IGF2BP2: variants seen among roughly 807,000 people sequenced by gnomAD.
IGF2BP2 encodes the protein insulin-like growth factor 2 mRNA-binding protein 2.
IGF2BP2 carries 17 observed loss-of-function variants against 75.8 expected under a neutral mutation model. The observed-to-expected ratio is 0.22, with a 90% confidence interval of 0.15 to 0.34. IGF2BP2 has a LOEUF of 0.34. Ranked by LOEUF, IGF2BP2 falls within the 10% of genes least tolerant of loss-of-function variation. The pLI is 1.00. For missense variants in IGF2BP2, 516 were observed against 772.4 expected (o/e 0.67, Z 3.93); for synonymous variants, 288 against 295.6 (o/e 0.97, Z 0.26).
At chr3:185,734,979 A>G (rs181468434) in intron 2 of IGF2BP2, among the ~76,000 whole-genome samples, 94 of 152,314 alleles carry the variant, frequency 6.2e-4, no homozygotes, top group African/African-American at 2.2e-3. Flanking sequence ...ACAGCGTTGT[A>G]ACATGAAAGC....
chr3:185,706,231 A>C (rs1723997887), intron 2 of IGF2BP2, among the ~76,000 whole-genome samples: 1 of 152,156 alleles, frequency 6.6e-6, no homozygotes, highest in African/African-American at 2.4e-5. Context: ...ATAATTCCAT[A>C]ATACTATTCA....
chr3:185,689,575 A>C lies in IGF2BP2; in HGVS notation c.457T>G (p.Ser153Ala), dbSNP rs1412012667. ...CTCACCTCTTCATCCGGGATGTAGGAAATCTTGAAGGAGTAGTTCTCAAAC... is the reference window on the plus strand; with the variant it reads ...CTCACCTCTTCATCCGGGATGTAGGCAATCTTGAAGGAGTAGTTCTCAAAC... ...HQFENYSFKI[S>A]YIPDEEVSSP... Residue 153 changes from serine to alanine, a missense_variant, in exon 6 of 16, where the codon TCC becomes GCC. Coordinates refer to ENST00000382199, the MANE Select transcript of IGF2BP2 (RefSeq NM_006548.6). 1.2e-6 allele frequency: 2 copies of C among 1,614,222 alleles called. No homozygotes were observed. Among genetic ancestry groups the C allele is most frequent in the Non-Finnish European group, 1.7e-6 (2 of 1,180,026 alleles).
At chr3:185,691,320 T>C (rs1180450084) in intron 5 of IGF2BP2, among the ~76,000 whole-genome samples, 1 of 150,860 alleles carries the variant, frequency 6.6e-6, no homozygotes. Context: ...CTGGTCTCGA[T>C]CTCCCAGCCT....
intron 5 of IGF2BP2, among the ~76,000 whole-genome samples, chr3:185,690,973 TATC>T (rs1450755502): frequency 2.6e-5 from 4 of 152,192 alleles, no homozygotes; most frequent in Non-Finnish European, 4.4e-5. Flanking sequence ...AATAGAGTAA[TATC>T]ATGTAGAGAG....
intron 10 of IGF2BP2, among the ~76,000 whole-genome samples, chr3:185,669,342 A>G (rs898972657): frequency 1.3e-5 from 2 of 152,088 alleles, no homozygotes; most frequent in African/African-American, 4.8e-5. Flanking sequence ...GGAAAAATAT[A>G]AATCATATAT....
At chr3:185,801,397 G>A (rs889962601) in intron 2 of IGF2BP2, among the ~76,000 whole-genome samples, 10 of 150,730 alleles carry the variant, frequency 6.6e-5, no homozygotes, top group Middle Eastern at 3.4e-3. Flanking sequence ...GCTGAGGCAG[G>A]AGAATTGCTT....
chr3:185,779,537 C>G (rs10937229), intron 2 of IGF2BP2, among the ~76,000 whole-genome samples: 151,853 of 152,338 alleles, frequency 1, 75,686 homozygotes, highest in East Asian at 1. Context: ...ATAACTTCCA[C>G]ACAATGCTAA....
chr3:185,669,208 T>A (rs1718136510), intron 10 of IGF2BP2, among the ~76,000 whole-genome samples: 3 of 152,136 alleles, frequency 2.0e-5, no homozygotes, highest in Admixed American at 2.0e-4. Flanking sequence ...ATACTATGTA[T>A]CAGCATAGAA....
chr3:185,720,327 T>C (rs1726327342), intron 2 of IGF2BP2, among the ~76,000 whole-genome samples: 1 of 152,142 alleles, frequency 6.6e-6, no homozygotes, highest in African/African-American at 2.4e-5. Context: ...CCAAAGCCTA[T>C]TTATTTTATT....
intron 2 of IGF2BP2, among the ~76,000 whole-genome samples, chr3:185,798,791 T>TC (rs1560487638): frequency 7.8e-6 from 1 of 127,738 alleles, no homozygotes; most frequent in African/African-American, 3.4e-5. Context: ...TTTTTTCTTT[T>TC]TTTCTTTTTT....
At chr3:185,749,462 T>C (rs898161760) in intron 2 of IGF2BP2, among the ~76,000 whole-genome samples, 14 of 152,180 alleles carry the variant, frequency 9.2e-5, no homozygotes, top group African/African-American at 2.9e-4. Context: ...AAACAAGCAA[T>C]TAAAGTTGAT....
In IGF2BP2 at chr3:185,825,012, C is replaced by G; in HGVS notation, c.-52G>C. On this transcript the variant is annotated 5_prime_UTR_variant, in exon 1 of 16. Transcript: ENST00000382199. ...TCCCCCGGCCCGGTACCCGGCGCTCCTCGCCTCCTCCGCTGCCCTCGTCTC... is the reference window on the plus strand; with the variant it reads ...TCCCCCGGCCCGGTACCCGGCGCTCGTCGCCTCCTCCGCTGCCCTCGTCTC... The G allele has an allele frequency of 7.2e-7, 1 of 1,388,058 alleles. No individual in the cohort carries two copies. The highest frequency in any genetic ancestry group is 9.6e-7 in the Non-Finnish European group (1 of 1,043,878). The allele number at this position is 1,388,058 out of a possible 1,614,324, so 86.0% of individuals were successfully genotyped here.
intron 2 of IGF2BP2, among the ~76,000 whole-genome samples, chr3:185,775,456 C>T (rs1734425540): frequency 6.6e-6 from 1 of 152,178 alleles, no homozygotes; most frequent in African/African-American, 2.4e-5. Flanking sequence ...ATTTAAACAA[C>T]ACATCACACA....
intron 1 of IGF2BP2, among the ~76,000 whole-genome samples, chr3:185,823,788 G>A (rs1741668207): frequency 1.3e-5 from 2 of 151,808 alleles, no homozygotes; most frequent in Admixed American, 1.3e-4. Context: ...GGTTCGGGGG[G>A]CGCCGGCCGG....
chr3:185,698,953 T>C (rs1453864912), intron 2 of IGF2BP2, among the ~76,000 whole-genome samples: 1 of 152,198 alleles, frequency 6.6e-6, no homozygotes, highest in African/African-American at 2.4e-5. Context: ...TAGCTGGGAT[T>C]ACAGGCATGT....
rs1045562648 is a variant in IGF2BP2 at position 185,675,113 on chromosome 3, C to T, written c.1071+183G>A. 6 of 438,412 alleles carry T rather than the reference C, an allele frequency of 1.4e-5. No homozygotes were observed. The East Asian group carries it at 2.6e-4, about 19-fold the overall frequency. The allele number at this position is 438,412 out of a possible 1,614,324, so 27.2% of individuals were successfully genotyped here. A position where few individuals can be genotyped will look rare whatever the true frequency, so the allele number is the denominator to read the frequency against. On this transcript the variant is annotated intron_variant, in intron 9 of 15. Coordinates refer to ENST00000382199, the MANE Select transcript of IGF2BP2 (RefSeq NM_006548.6). ...CAAAGTTATAATTTTAATGTCTTCA[C>T]GTGATGTTGTCCAGCGCACTTATCA...
chr3:185,766,215 T>C (rs951397510), intron 2 of IGF2BP2, among the ~76,000 whole-genome samples: 1 of 152,180 alleles, frequency 6.6e-6, no homozygotes, highest in African/African-American at 2.4e-5. Context: ...TGAATAGCAA[T>C]AAAACTATTT....
At chr3:185,804,573 T>A (rs1433020501) in intron 2 of IGF2BP2, among the ~76,000 whole-genome samples, 1 of 152,232 alleles carries the variant, frequency 6.6e-6, no homozygotes, top group African/African-American at 2.4e-5. Flanking sequence ...TTCCTCAGGT[T>A]ACAATATTTA....
At chr3:185,729,029 G>A (rs1185522800) in intron 2 of IGF2BP2, among the ~76,000 whole-genome samples, 1 of 152,158 alleles carries the variant, frequency 6.6e-6, no homozygotes, top group Admixed American at 6.5e-5. Flanking sequence ...TACGCTCACT[G>A]TTGTGTACTC....
Sources: gnomAD v4.1 joint callset for allele counts (sites outside exome capture counted in the v4.1 genomes callset) on GRCh38, gnomAD v4.1.1 for gene constraint, MANE v1.5 for transcripts, NCBI Gene and HGNC (gene_info 2026-07-23, HGNC 2026-07-21) for gene names.